Variants in SLC25A14 observed in about 807,000 individuals in gnomAD.
SLC25A14 encodes the protein brain mitochondrial carrier protein 1.
A neutral mutation model predicts 28.1 loss-of-function variants in SLC25A14; 8 were observed. The ratio of observed to expected loss-of-function variants is 0.28; its 90% confidence interval spans 0.17 to 0.51. The LOEUF (loss-of-function observed/expected upper bound fraction) is 0.51, where lower values mean the gene tolerates loss of function less well. SLC25A14 is among the 20% of genes least tolerant of loss of function. SLC25A14 has a pLI of 0.97. For missense variants in SLC25A14, 135 were observed against 263.8 expected (o/e 0.51, Z 3.38); for synonymous variants, 74 against 90.6 (o/e 0.82, Z 1.04).
At chrX:130,365,888 G>A (rs983961992) in intron 9 of SLC25A14, among the ~76,000 whole-genome samples, 1 of 112,167 alleles carries the variant, frequency 8.9e-6, no homozygotes, top group African/African-American at 3.2e-5. Context: ...CCATTTGAAT[G>A]CTTTAAAATA....
chrX:130,359,505 A>G (rs1186493520), intron 7 of SLC25A14, among the ~76,000 whole-genome samples: 1 of 110,214 alleles, frequency 9.1e-6, no homozygotes, highest in Non-Finnish European at 1.9e-5. Flanking sequence ...GCCTAGAGAT[A>G]ATTTCTGTTA....
At chrX:130,372,169 C>T (rs746852618) in intron 10 of SLC25A14, among the ~76,000 whole-genome samples, 2 of 111,555 alleles carry the variant, frequency 1.8e-5, no homozygotes, top group Admixed American at 9.5e-5. Context: ...TGGTAAGCAC[C>T]GCAGGGTTGG....
rs774286398 is a variant in SLC25A14 at position 130,358,106 on chromosome X, A to G, written c.499-534A>G. Reference sequence around the variant, plus strand: ...TCGTCTCTTTGCTGTGCTTATGGATATTTTTAAGTTTACATGTTTTTTATA... The same window carrying G: ...TCGTCTCTTTGCTGTGCTTATGGATGTTTTTAAGTTTACATGTTTTTTATA... On this transcript the variant is annotated intron_variant, in intron 6 of 10. Coordinates refer to ENST00000545805, the MANE Select transcript of SLC25A14 (RefSeq NM_001282195.2). 3.6e-5 allele frequency among the ~76,000 whole-genome samples: 4 copies of G among 111,899 alleles called. No homozygotes were observed. The Admixed American group carries it at 3.8e-4, about 11-fold the overall frequency.
intron 6 of SLC25A14, among the ~76,000 whole-genome samples, chrX:130,356,136 A>T (rs913326086): frequency 2.3e-4 from 25 of 107,477 alleles, no homozygotes. Context: ...TGATTGTTTC[A>T]TTTAAGGTCG....
chrX:130,368,155 G>C (rs1167085236), intron 9 of SLC25A14, among the ~76,000 whole-genome samples: 1 of 112,550 alleles, frequency 8.9e-6, no homozygotes, highest in African/African-American at 3.2e-5. Flanking sequence ...TTAGAGAGTA[G>C]TGTCATGGGA....
chrX:130,350,714 C>A lies in SLC25A14; in HGVS notation c.481C>A (p.Pro161Thr). ...AGTGATATCTTCCACTATAGCCAATCCCACCGATGTTCTAAAGGTAAGAGA... is the reference window on the plus strand; with the variant it reads ...AGTGATATCTTCCACTATAGCCAATACCACCGATGTTCTAAAGGTAAGAGA... ...SGVISSTIAN[P>T]TDVLKIRMQA... is the part of the protein sequence containing the mutation. Residue 161 changes from proline to threonine, a missense_variant, in exon 6 of 11, where the codon CCC becomes ACC. Pro to Thr is a conservative substitution (Grantham distance 38). Transcript: ENST00000545805. 1 of 1,140,203 alleles carries A rather than the reference C, an allele frequency of 8.8e-7. No individual in the cohort carries two copies. The highest frequency in any genetic ancestry group is 1.2e-6 in the Non-Finnish European group (1 of 834,073). The allele number at this position is 1,140,203 out of a possible 1,213,427, so 94.0% of individuals were successfully genotyped here.
At chrX:130,349,182 T>C (rs2033548444) in intron 4 of SLC25A14, 69 bp from the exon 5 acceptor site, 6 of 654,646 alleles carry the variant, frequency 9.2e-6, no homozygotes. Flanking sequence ...GTAGTCCAAA[T>C]AAGTAGGCTA....
intron 7 of SLC25A14, among the ~76,000 whole-genome samples, chrX:130,361,877 T>A (rs2033977001): frequency 9.0e-6 from 1 of 111,598 alleles, no homozygotes; most frequent in Non-Finnish European, 1.9e-5. Flanking sequence ...AACAGCCAAT[T>A]CAGTCTTTTG....
intron 9 of SLC25A14, among the ~76,000 whole-genome samples, chrX:130,370,480 C>T (rs186486040): frequency 6.4e-4 from 72 of 111,929 alleles, no homozygotes; most frequent in Non-Finnish European, 1.1e-3. Flanking sequence ...AAATTCAGCA[C>T]GTGCCACCAG....
chrX:130,340,162 T>C lies in SLC25A14; in HGVS notation c.-117T>C. 2 of 1,156,342 alleles carry C rather than the reference T, an allele frequency of 1.7e-6. No individual in the cohort carries two copies. Among genetic ancestry groups the C allele is most frequent in the Non-Finnish European group, 2.3e-6 (2 of 872,047 alleles). ...GGCATCGGTGGTTTTACTTCTTCGA[T>C]TGAACCCTGCTTCCTCGACCCCCCT... On this transcript the variant is annotated 5_prime_UTR_variant, in exon 2 of 11. Transcript: ENST00000545805.
intron 2 of SLC25A14, among the ~76,000 whole-genome samples, chrX:130,344,823 T>C (rs1394369922): frequency 8.9e-6 from 1 of 111,744 alleles, no homozygotes; most frequent in Non-Finnish European, 1.9e-5. Context: ...ATAATTTGAA[T>C]TCCGGGTTCC....
At chrX:130,355,020 C>T (rs1353076238) in intron 6 of SLC25A14, among the ~76,000 whole-genome samples, 2 of 112,170 alleles carry the variant, frequency 1.8e-5, no homozygotes, top group East Asian at 5.6e-4. Context: ...AGAGAAAGTA[C>T]GGGTCTCGAT....
chrX:130,350,252 A>T (rs1403578137), intron 5 of SLC25A14, among the ~76,000 whole-genome samples: 1 of 111,755 alleles, frequency 8.9e-6, no homozygotes, highest in Non-Finnish European at 1.9e-5. Flanking sequence ...TTTCTCTTTT[A>T]ACATTCAGTT....
In SLC25A14 at chrX:130,340,213, C is replaced by G; in HGVS notation, c.-66C>G. 8.3e-7 allele frequency: 1 copy of G among 1,203,571 alleles called. No individual in the cohort carries two copies. The highest frequency in any genetic ancestry group is 2.2e-5 in the Admixed American group (1 of 45,104). On this transcript the variant is annotated 5_prime_UTR_variant, in exon 2 of 11. Coordinates refer to ENST00000545805, the MANE Select transcript of SLC25A14 (RefSeq NM_001282195.2). Reference sequence around the variant, plus strand: ...GGGAGGCCGCCTTCTTCAGGCGCCTCCCTTCTCTCCACGAGCTCGCTCTGA... The same window carrying G: ...GGGAGGCCGCCTTCTTCAGGCGCCTGCCTTCTCTCCACGAGCTCGCTCTGA...
intron 7 of SLC25A14, among the ~76,000 whole-genome samples, chrX:130,360,341 T>C (rs1029824552): frequency 5.4e-5 from 6 of 111,211 alleles, no homozygotes; most frequent in African/African-American, 2.0e-4. Flanking sequence ...TTGGTAAGGG[T>C]GCTTCATAGG....
At chrX:130,369,378 A>G (rs907215645) in intron 9 of SLC25A14, among the ~76,000 whole-genome samples, 1 of 111,980 alleles carries the variant, frequency 8.9e-6, no homozygotes, top group Non-Finnish European at 1.9e-5. Context: ...TTACGGGAAA[A>G]TTTCTTGCAC....
intron 2 of SLC25A14, among the ~76,000 whole-genome samples, chrX:130,342,697 G>A (rs1161118765): frequency 9.1e-6 from 1 of 110,383 alleles, no homozygotes; most frequent in Non-Finnish European, 1.9e-5. Flanking sequence ...AGTCGTGATT[G>A]TGGCAATGGT....
At chrX:130,360,082 T>C (rs2033922482) in intron 7 of SLC25A14, among the ~76,000 whole-genome samples, 3 of 103,840 alleles carry the variant, frequency 2.9e-5, no homozygotes, top group Non-Finnish European at 4.0e-5. Flanking sequence ...TTTTTTTTTC[T>C]TTTTTTTTTT....
intron 9 of SLC25A14, 120 bp from the exon 10 acceptor site, chrX:130,371,444 G>T: frequency 2.1e-6 from 1 of 486,231 alleles, no homozygotes. Flanking sequence ...AATTTAAAAT[G>T]GACCTTTAGA....
Sources: allele counts gnomAD v4.1 joint callset (sites outside exome capture counted in the v4.1 genomes callset), GRCh38; gene constraint gnomAD v4.1.1; transcripts MANE v1.5; gene names NCBI Gene and HGNC (gene_info 2026-07-23, HGNC 2026-07-21).